ABCA13: variants seen among roughly 807,000 people sequenced by gnomAD.
ABCA13 encodes the protein ATP-binding cassette sub-family A member 13.
Under a neutral mutation model 478.7 loss-of-function variants are expected in ABCA13, and 476 were observed. That is an observed-to-expected ratio of 0.99 (90% confidence interval 0.92 to 1.07). The LOEUF (loss-of-function observed/expected upper bound fraction) is 1.07, where lower values mean the gene tolerates loss of function less well. ABCA13 is among the 50% of genes least tolerant of loss of function. ABCA13 has a pLI of 0.00. For synonymous variants in ABCA13, 2,252 were observed against 2,158.9 expected, an observed-to-expected ratio of 1.04 and a Z score of -1.20; for missense variants, 6,060 against 5,910.6, an observed-to-expected ratio of 1.03 and a Z score of -0.83.
intron 2 of ABCA13, among the ~76,000 whole-genome samples, chr7:48,194,727 G>C (rs570615203): frequency 6.6e-6 from 1 of 152,138 alleles, no homozygotes; most frequent in African/African-American, 2.4e-5. Flanking sequence ...CACATATTAG[G>C]ACCATTCCTA....
At chr7:48,179,944 C>T (rs1795439901) in intron 1 of ABCA13, among the ~76,000 whole-genome samples, 1 of 152,086 alleles carries the variant, frequency 6.6e-6, no homozygotes, top group East Asian at 1.9e-4. Flanking sequence ...TCCCATTTCA[C>T]AGCTACAGAA....
At chr7:48,300,249 A>G (rs1450356147) in intron 23 of ABCA13, among the ~76,000 whole-genome samples, 2 of 152,250 alleles carry the variant, frequency 1.3e-5, no homozygotes, top group East Asian at 1.9e-4. Flanking sequence ...GGTGGCATGC[A>G]GGGAATACTC....
chr7:48,573,345 T>G (rs1585852211), intron 55 of ABCA13, among the ~76,000 whole-genome samples: 1 of 152,046 alleles, frequency 6.6e-6, no homozygotes, highest in East Asian at 1.9e-4. Context: ...TTTTATCTTA[T>G]TTATTTATTT....
At chr7:48,288,601 C>A (rs1055375587) in intron 20 of ABCA13, among the ~76,000 whole-genome samples, 4 of 151,892 alleles carry the variant, frequency 2.6e-5, no homozygotes, top group African/African-American at 9.7e-5. Flanking sequence ...CATGCAGGAG[C>A]TTTTGCACCA....
rs1283926036 is a variant in ABCA13, at chr7:48,276,149, A to G, written c.6483A>G (p.Leu2161=). ...NESSTEDIAL[L]AKAIATFWGS... is the part of the protein sequence containing the mutation. The stretch of plus-strand genomic sequence containing the variant: ...GTTCAACTGAAGATATAGCTTTGTT[A>G]GCCAAAGCTATTGCTACTTTTTGGG... The change falls in exon 17 of 62, where the codon TTA becomes TTG. Residue 2161 remains leucine (L), a synonymous_variant. Transcript: ENST00000435803. 8 of 1,596,350 alleles carry G rather than the reference A, an allele frequency of 5.0e-6. No individual in the cohort carries two copies. Among genetic ancestry groups the G allele is most frequent in the South Asian group, 1.1e-5 (1 of 88,000 alleles).
intron 58 of ABCA13, among the ~76,000 whole-genome samples, chr7:48,598,295 A>G (rs1790506611): frequency 1.3e-5 from 2 of 152,112 alleles, no homozygotes; most frequent in Non-Finnish European, 2.9e-5. Flanking sequence ...ATATTCCACT[A>G]TCTGGATGTA....
At chr7:48,383,671 G>A (rs1814740474) in intron 35 of ABCA13, among the ~76,000 whole-genome samples, 1 of 152,138 alleles carries the variant, frequency 6.6e-6, no homozygotes, top group African/African-American at 2.4e-5. Flanking sequence ...TGTGTTTATT[G>A]TAAAATGTTT....
intron 47 of ABCA13, among the ~76,000 whole-genome samples, chr7:48,483,965 T>A (rs79429895): frequency 0.028 from 4,198 of 152,254 alleles, 79 homozygotes; most frequent in East Asian, 0.08. Flanking sequence ...AGACATTTCA[T>A]TCTGTAGTGT....
intron 59 of ABCA13, among the ~76,000 whole-genome samples, chr7:48,618,245 T>C (rs988527484): frequency 6.6e-6 from 1 of 152,174 alleles, no homozygotes; most frequent in Non-Finnish European, 1.5e-5. Context: ...CTGATTCTCT[T>C]CCTTCCTGCT....
chr7:48,314,841 G>A (rs1035330246), intron 26 of ABCA13, among the ~76,000 whole-genome samples: 5 of 152,144 alleles, frequency 3.3e-5, no homozygotes, highest in African/African-American at 4.8e-5. Flanking sequence ...TGCATGATAG[G>A]TACAAACGAA....
intron 45 of ABCA13, among the ~76,000 whole-genome samples, chr7:48,472,487 G>GA (rs983568586): frequency 6.6e-6 from 1 of 152,192 alleles, no homozygotes; most frequent in Non-Finnish European, 1.5e-5. Context: ...AGAAGCTCAA[G>GA]TGAAATGGCC....
At chr7:48,563,361 G>A (rs575696458) in intron 55 of ABCA13, among the ~76,000 whole-genome samples, 1 of 152,292 alleles carries the variant, frequency 6.6e-6, no homozygotes, top group South Asian at 2.1e-4. Context: ...GAAAGAGAGG[G>A]TTAAAGGCTA....
chr7:48,356,477 T>A (rs1809943863), intron 31 of ABCA13, among the ~76,000 whole-genome samples: 1 of 151,530 alleles, frequency 6.6e-6, no homozygotes, highest in African/African-American at 2.4e-5. Flanking sequence ...GGGACAGCTG[T>A]GTCCTGAATT....
intron 40 of ABCA13, among the ~76,000 whole-genome samples, chr7:48,411,054 T>TTTCTTTCC (rs1819073244): frequency 7.6e-6 from 1 of 131,498 alleles, no homozygotes; most frequent in Non-Finnish European, 1.7e-5. Flanking sequence ...TTTCTTTTTC[T>TTTCTTTCC]TTCTTTCTTT....
intron 50 of ABCA13, 106 bp from the exon 51 acceptor site, chr7:48,510,978 A>C: frequency 1.1e-6 from 1 of 950,494 alleles, no homozygotes; most frequent in East Asian, 2.6e-5. Flanking sequence ...TGTGCAAAAT[A>C]GGAAATATAT....
In ABCA13 at chr7:48,357,718, C is replaced by G. The variant is rs1810152777; in HGVS notation, c.10688+5231C>G. Among the ~76,000 whole-genome samples, 7 of 152,058 alleles carry G rather than the reference C, an allele frequency of 4.6e-5. No individual in the cohort carries two copies. The South Asian group carries it at 1.5e-3, about 32-fold the overall frequency. On this transcript the variant is annotated intron_variant, in intron 31 of 61. Transcript: ENST00000435803. ...ACGCTGATAGGGTAAGTTATTTCCC[C>G]CAAGATCTCACAGCATCTTAATACC...
chr7:48,307,190 T>C (rs1288321556), intron 23 of ABCA13, among the ~76,000 whole-genome samples: 1 of 152,222 alleles, frequency 6.6e-6, no homozygotes, highest in Non-Finnish European at 1.5e-5. Flanking sequence ...TTAGGTGATA[T>C]CATCATTATG....
At chr7:48,402,381 G>A (rs1468280389) in intron 38 of ABCA13, among the ~76,000 whole-genome samples, 2 of 152,166 alleles carry the variant, frequency 1.3e-5, no homozygotes, top group Non-Finnish European at 2.9e-5. Flanking sequence ...TCTCGCAGCT[G>A]GGAATGTGTT....
At chr7:48,472,914 G>T (rs1379904453) in intron 45 of ABCA13, among the ~76,000 whole-genome samples, 2 of 152,176 alleles carry the variant, frequency 1.3e-5, no homozygotes, top group Non-Finnish European at 2.9e-5. Flanking sequence ...TGATAAAGGT[G>T]TACCCAAGAC....
Sources: allele counts gnomAD v4.1 joint callset (sites outside exome capture counted in the v4.1 genomes callset), GRCh38; gene constraint gnomAD v4.1.1; transcripts MANE v1.5; gene names NCBI Gene and HGNC (gene_info 2026-07-23, HGNC 2026-07-21).